CYP7B1: variants seen among roughly 807,000 people sequenced by gnomAD.
CYP7B1 encodes the protein cytochrome P450 7B1.
CYP7B1 carries 29 observed loss-of-function variants against 42.7 expected under a neutral mutation model. That is an observed-to-expected ratio of 0.68 (90% CI 0.51 to 0.93). The LOEUF (loss-of-function observed/expected upper bound fraction) is 0.93, where lower values mean the gene tolerates loss of function less well. Ranked by LOEUF, CYP7B1 falls within the 40% of genes least tolerant of loss-of-function variation. The pLI, the probability that CYP7B1 is intolerant of heterozygous loss-of-function variation, is 0.00. For missense variants in CYP7B1, 655 were observed against 600.5 expected, an observed-to-expected ratio of 1.09 and a Z score of -0.95; for synonymous variants, 235 against 218.2, an observed-to-expected ratio of 1.08 and a Z score of -0.68.
intron 1 of CYP7B1, among the ~76,000 whole-genome samples, chr8:64,624,844 C>A (rs1302982234): frequency 6.6e-6 from 1 of 151,634 alleles, no homozygotes; most frequent in Non-Finnish European, 1.5e-5. Context: ...GTTTACCCAT[C>A]ACCCGAGCAA....
intron 1 of CYP7B1, among the ~76,000 whole-genome samples, chr8:64,677,354 T>C (rs1282411436): frequency 1.5e-5 from 2 of 137,742 alleles, no homozygotes; most frequent in African/African-American, 2.7e-5. Flanking sequence ...GAGGTACTAG[T>C]AACATTTAAA....
At chr8:64,763,492 CA>C (rs1190754251) in intron 1 of CYP7B1, among the ~76,000 whole-genome samples, 2 of 152,208 alleles carry the variant, frequency 1.3e-5, no homozygotes, top group Non-Finnish European at 2.9e-5. Flanking sequence ...TTCTCTAAAG[CA>C]GTGAGTAATA....
intron 2 of CYP7B1, among the ~76,000 whole-genome samples, chr8:64,618,945 C>G (rs148006876): frequency 2.3e-3 from 344 of 151,966 alleles, no homozygotes; most frequent in Middle Eastern, 6.8e-3. Flanking sequence ...TGTGTTTTAC[C>G]TACTATCTTT....
At chr8:64,669,032 A>G (rs1208264408) in intron 1 of CYP7B1, among the ~76,000 whole-genome samples, 1 of 152,164 alleles carries the variant, frequency 6.6e-6, no homozygotes, top group Non-Finnish European at 1.5e-5. Flanking sequence ...AATGGGTACC[A>G]TTTTGTAGGT....
chr8:64,659,497 C>G (rs1299882757), intron 1 of CYP7B1, among the ~76,000 whole-genome samples: 6 of 152,062 alleles, frequency 3.9e-5, no homozygotes, highest in Non-Finnish European at 8.8e-5. Flanking sequence ...TGTCACATAG[C>G]AAGGACTAAA....
At chr8:64,619,158 C>T (rs1805492242) in intron 2 of CYP7B1, among the ~76,000 whole-genome samples, 1 of 152,148 alleles carries the variant, frequency 6.6e-6, no homozygotes. Flanking sequence ...ATGTGAGATG[C>T]AAAACCAGAG....
chr8:64,613,662 A>G (rs1156747327), intron 4 of CYP7B1, among the ~76,000 whole-genome samples: 1 of 152,212 alleles, frequency 6.6e-6, no homozygotes, highest in African/African-American at 2.4e-5. Flanking sequence ...CTGCAAAGAA[A>G]AATAAAAGAA....
chr8:64,676,514 A>G (rs1255301763), intron 1 of CYP7B1, among the ~76,000 whole-genome samples: 2 of 152,098 alleles, frequency 1.3e-5, no homozygotes, highest in East Asian at 3.8e-4. Flanking sequence ...GGTTGAAGTG[A>G]AATTTTGTCC....
chr8:64,725,640 C>A (rs1016309674), intron 1 of CYP7B1, among the ~76,000 whole-genome samples: 7 of 152,108 alleles, frequency 4.6e-5, no homozygotes, highest in Non-Finnish European at 1.0e-4. Context: ...AAGGCTTGGG[C>A]CTGTCAGATC....
chr8:64,651,045 G>A (rs148657133), intron 1 of CYP7B1, among the ~76,000 whole-genome samples: 114 of 152,302 alleles, frequency 7.5e-4, no homozygotes, highest in Middle Eastern at 3.4e-3. Flanking sequence ...GGGGGAAGAC[G>A]GAGATGAGGA....
At chr8:64,664,504 G>A (rs953006491) in intron 1 of CYP7B1, among the ~76,000 whole-genome samples, 1 of 152,112 alleles carries the variant, frequency 6.6e-6, no homozygotes, top group African/African-American at 2.4e-5. Flanking sequence ...CAAGACTTAG[G>A]AGAGGTAAGA....
In CYP7B1 at chr8:64,603,718, C is replaced by T. The variant is rs138926997; in HGVS notation, c.1233+964G>A. Among the ~76,000 whole-genome samples, 77 of 152,328 alleles carry T rather than the reference C, an allele frequency of 5.1e-4. No individual in the cohort carries two copies. The East Asian group carries it at 8.1e-3, about 16-fold the overall frequency. The stretch of plus-strand genomic sequence containing the variant: ...GAAACACACAGAAACTATATGTACA[C>T]TCCCCCCACACTTAAGTCATTCACC... On this transcript the variant is annotated intron_variant, in intron 5 of 5. Transcript: ENST00000310193.
intron 1 of CYP7B1, among the ~76,000 whole-genome samples, chr8:64,764,229 G>GCTCCCCCCCCCCCCCCCCCCCCCCCCCC (rs1554539986): frequency 8.0e-6 from 1 of 125,150 alleles, no homozygotes; most frequent in African/African-American, 3.1e-5. Context: ...CTTCCACGCT[G>GCTCCCCCCCCCCCCCCCCCCCCCCCCCC]CCCCCCCCAC....
intron 1 of CYP7B1, among the ~76,000 whole-genome samples, chr8:64,708,693 T>C (rs1807036001): frequency 6.6e-6 from 1 of 152,210 alleles, no homozygotes; most frequent in African/African-American, 2.4e-5. Context: ...AATAATTTTT[T>C]GAAATATGGC....
At chr8:64,604,652 G>A (rs757476642) in intron 5 of CYP7B1, 30 bp downstream of exon 5, 146 of 1,612,718 alleles carry the variant, frequency 9.1e-5, no homozygotes, top group Non-Finnish European at 1.2e-4. Context: ...GATCTAAGAA[G>A]TAGCAATCAT....
Position 64,645,272 on chromosome 8 carries a change from A to G in CYP7B1, c.123-20733T>C, listed in dbSNP as rs1805933191. 2.0e-5 allele frequency among the ~76,000 whole-genome samples: 3 copies of G among 151,886 alleles called. No individual in the cohort carries two copies. In the South Asian group the frequency reaches 6.3e-4, roughly 32 times the overall value. On this transcript the variant is annotated intron_variant, in intron 1 of 5. Transcript: ENST00000310193. ...ATGATTTATAGTCCTTTGGGTATATACCCAGTAATGGGATGGCTGGGTCAA... is the reference window on the plus strand; with the variant it reads ...ATGATTTATAGTCCTTTGGGTATATGCCCAGTAATGGGATGGCTGGGTCAA...
At chr8:64,588,744 G>C (rs897119865), downstream of CYP7B1, among the ~76,000 whole-genome samples, 2 of 152,040 alleles carry the variant, frequency 1.3e-5, no homozygotes, top group Non-Finnish European at 2.9e-5. Flanking sequence ...CATTTGCCAT[G>C]TGCAGTCTAT....
intron 1 of CYP7B1, among the ~76,000 whole-genome samples, chr8:64,742,061 T>C (rs1000736407): frequency 6.6e-6 from 1 of 152,184 alleles, no homozygotes. Flanking sequence ...AACACTGTTC[T>C]CATATAAAAT....
chr8:64,706,872 T>C (rs1308614819), intron 1 of CYP7B1, among the ~76,000 whole-genome samples: 1 of 151,920 alleles, frequency 6.6e-6, no homozygotes, highest in Non-Finnish European at 1.5e-5. Context: ...GGAGAAAAGA[T>C]TATCATCAGC....
Sources: gnomAD v4.1 joint callset for allele counts (sites outside exome capture counted in the v4.1 genomes callset) on GRCh38, gnomAD v4.1.1 for gene constraint, MANE v1.5 for transcripts, NCBI Gene and HGNC (gene_info 2026-07-23, HGNC 2026-07-21) for gene names.